Variants in ACBD6 observed in about 807,000 individuals in gnomAD.
The protein encoded by ACBD6 is acyl-CoA binding domain containing 6, also known as acyl-CoA-binding domain-containing protein 6.
ACBD6 carries 28 observed loss-of-function variants against 37.2 expected under a neutral mutation model. The observed-to-expected ratio is 0.75, with a 90% CI of 0.56 to 1.03. The LOEUF (loss-of-function observed/expected upper bound fraction) is 1.03, where lower values mean the gene tolerates loss of function less well. Ranked by LOEUF, ACBD6 falls within the 50% of genes least tolerant of loss-of-function variation. ACBD6 has a pLI of 0.00. For synonymous variants in ACBD6, 113 were observed against 126.8 expected, an observed-to-expected ratio of 0.89 and a Z score of 0.73; for missense variants, 340 against 337.4, an observed-to-expected ratio of 1.01 and a Z score of -0.06.
chr1:180,302,612 T>G (rs1650175735), intron 7 of ACBD6, among the ~76,000 whole-genome samples: 1 of 152,042 alleles, frequency 6.6e-6, no homozygotes, highest in Non-Finnish European at 1.5e-5. Flanking sequence ...ATGCAAATCC[T>G]TAGAGACCTA....
intron 6 of ACBD6, among the ~76,000 whole-genome samples, chr1:180,315,932 G>A (rs1650782280): frequency 6.6e-6 from 1 of 152,080 alleles, no homozygotes; most frequent in African/African-American, 2.4e-5. Context: ...GCTAAGTTTG[G>A]GATGTCCAGG....
rs112809421 is a variant in ACBD6, at chr1:180,357,755, T to G, written c.663+39761A>C. ...TCAAAGTCTTCCTCTTCTCAGTATA[T>G]GAAAGAAGGAGCAACAGTGTGCATG... On this transcript the variant is annotated intron_variant, in intron 6 of 7. Coordinates refer to ENST00000367595, the MANE Select transcript of ACBD6 (RefSeq NM_032360.4). Among the ~76,000 whole-genome samples the G allele has an allele frequency of 4.7e-3, 714 of 152,248 alleles. 5 individuals are homozygous for G. The highest frequency in any genetic ancestry group is 0.016 in the African/African-American group (663 of 41,560).
intron 3 of ACBD6, among the ~76,000 whole-genome samples, chr1:180,471,199 A>C (rs1650551275): frequency 6.6e-6 from 1 of 152,100 alleles, no homozygotes; most frequent in African/African-American, 2.4e-5. Context: ...CAGGAGTTCA[A>C]GACCAACCTG....
chr1:180,274,663 G>T, exon 10 of ACBD6: 2 of 1,414,716 alleles, frequency 1.4e-6, no homozygotes, highest in Non-Finnish European at 1.9e-6. Flanking sequence ...TTTAAGGATC[G>T]AAAGTACGCC....
chr1:180,370,638 T>C (rs1280416363), intron 6 of ACBD6, among the ~76,000 whole-genome samples: 2 of 152,184 alleles, frequency 1.3e-5, no homozygotes, highest in Non-Finnish European at 2.9e-5. Flanking sequence ...TATTCACATA[T>C]ATCATTCTCC....
At chr1:180,476,616 G>A (rs1449970255) in intron 3 of ACBD6, among the ~76,000 whole-genome samples, 2 of 152,050 alleles carry the variant, frequency 1.3e-5, no homozygotes, top group African/African-American at 2.4e-5. Flanking sequence ...ACCTGAGGTC[G>A]GGAGTTTGAG....
intron 6 of ACBD6, among the ~76,000 whole-genome samples, chr1:180,358,121 C>T (rs1262543803): frequency 6.6e-6 from 1 of 152,146 alleles, no homozygotes; most frequent in Non-Finnish European, 1.5e-5. Flanking sequence ...AGACTTCTAT[C>T]ATGTAATACA....
At chr1:180,392,486 G>C (rs1654113964) in intron 6 of ACBD6, among the ~76,000 whole-genome samples, 1 of 152,118 alleles carries the variant, frequency 6.6e-6, no homozygotes, top group Non-Finnish European at 1.5e-5. Flanking sequence ...TAGGTTAAGA[G>C]CTTGGGCTTT....
chr1:180,329,466 C>G (rs1651392971), intron 6 of ACBD6, among the ~76,000 whole-genome samples: 1 of 152,200 alleles, frequency 6.6e-6, no homozygotes, highest in Non-Finnish European at 1.5e-5. Context: ...GCAAGTTCCT[C>G]AAGCTGTGTC....
intron 7 of ACBD6, among the ~76,000 whole-genome samples, chr1:180,308,297 C>T (rs535078404): frequency 1.2e-4 from 18 of 152,194 alleles, no homozygotes; most frequent in South Asian, 6.2e-4. Context: ...AAGTCTAATA[C>T]TGTAGTTTAC....
At chr1:180,459,657 A>G (rs1650055070) in intron 3 of ACBD6, among the ~76,000 whole-genome samples, 1 of 152,242 alleles carries the variant, frequency 6.6e-6, no homozygotes, top group Admixed American at 6.5e-5. Flanking sequence ...ATCTATGTGA[A>G]ATGTCAAGTT....
At chr1:180,397,715 C>T in intron 5 of ACBD6, 110 bp from the exon 6 acceptor site, 3 of 936,090 alleles carry the variant, frequency 3.2e-6, no homozygotes, top group East Asian at 2.5e-5. Flanking sequence ...GTTAATTATT[C>T]TAAGAATGAT....
chr1:180,402,648 C>G (rs1005285704), intron 5 of ACBD6, among the ~76,000 whole-genome samples: 6 of 151,942 alleles, frequency 3.9e-5, no homozygotes, highest in Non-Finnish European at 7.4e-5. Context: ...CAAAAATTAG[C>G]TGGACATGGT....
At chr1:180,470,955 TAAAGAA>T (rs1394211973) in intron 3 of ACBD6, among the ~76,000 whole-genome samples, 1 of 152,236 alleles carries the variant, frequency 6.6e-6, no homozygotes, top group African/African-American at 2.4e-5. Context: ...ATCCGTCTCT[TAAAGAA>T]AAATATTCTG....
intron 9 of ACBD6, among the ~76,000 whole-genome samples, chr1:180,280,260 C>T (rs2764454): frequency 0.097 from 14,801 of 152,086 alleles, 992 homozygotes; most frequent in African/African-American, 0.18. Context: ...TCTGAGACTC[C>T]TTAGACAGTA....
chr1:180,448,896 T>G (rs761069511), intron 3 of ACBD6, among the ~76,000 whole-genome samples: 8 of 152,188 alleles, frequency 5.3e-5, no homozygotes, highest in Non-Finnish European at 1.2e-4. Context: ...TCAACTAATT[T>G]TGTTACAGAT....
intron 6 of ACBD6, among the ~76,000 whole-genome samples, chr1:180,394,527 T>G (rs1445233412): frequency 6.6e-6 from 1 of 152,054 alleles, no homozygotes; most frequent in Non-Finnish European, 1.5e-5. Flanking sequence ...GAATGAGTAG[T>G]GAAGGAATTT....
chr1:180,336,727 G>A (rs1374457532), intron 6 of ACBD6, among the ~76,000 whole-genome samples: 2 of 151,722 alleles, frequency 1.3e-5, no homozygotes, highest in Non-Finnish European at 2.9e-5. Flanking sequence ...TCCAGGAGCT[G>A]GTTTTTTGAA....
chr1:180,432,270 T>G (rs538175504), intron 3 of ACBD6, among the ~76,000 whole-genome samples: 4 of 152,056 alleles, frequency 2.6e-5, no homozygotes, highest in African/African-American at 9.6e-5. Context: ...TTATTAAAAC[T>G]GAAAATTTCT....
Sources: allele counts gnomAD v4.1 joint callset (sites outside exome capture counted in the v4.1 genomes callset), GRCh38; gene constraint gnomAD v4.1.1; transcripts MANE v1.5; gene names NCBI Gene and HGNC (gene_info 2026-07-23, HGNC 2026-07-21).